The following COL1A1 variants were observed in gnomAD, a reference collection of about 807,000 sequenced individuals.
The protein encoded by COL1A1 is collagen type I alpha 1 chain.
In COL1A1, 21 loss-of-function variants were observed where a neutral mutation model predicts 195.7. That is an observed-to-expected ratio of 0.11 (90% CI 0.08 to 0.15). COL1A1 has a LOEUF of 0.15. Among genes scored for constraint, COL1A1 ranks in the 10% least tolerant of loss-of-function variants. The pLI is 1.00. For missense variants in COL1A1, 1,365 were observed against 2,051.0 expected, an observed-to-expected ratio of 0.67 and a Z score of 6.46; for synonymous variants, 749 against 747.3, an observed-to-expected ratio of 1.00 and a Z score of -0.04.
Position 50,190,359 on chromosome 17 carries a change from G to C in COL1A1, c.2419C>G (p.Pro807Ala), listed in dbSNP as rs770407108. The C allele has an allele frequency of 1.2e-6, 2 of 1,612,108 alleles. No individual in the cohort carries two copies. Among genetic ancestry groups the C allele is most frequent in the African/African-American group, 1.3e-5 (1 of 74,876 alleles). The part of the protein sequence containing the change: ...GAPGDRGEPG[P>A]PGPAGFAGPP... The stretch of plus-strand genomic sequence containing the variant: ...CCAGCAAAGCCAGCAGGGCCGGGGG[G>C]ACCAGGCTCACCACGGTCTCCCTAG... Residue 807 changes from proline to alanine, a missense_variant, in exon 35 of 51, where the codon CCC becomes GCC. This residue lies in a region of COL1A1 where 671 missense variants were observed against 1,099.9 expected (regional missense o/e 0.61). Transcript: ENST00000225964. This position sits in a 1 kb window ranked among gnomAD's most constrained non-coding sequence, Gnocchi z 4.7.
At chr17:50,200,266 A>C (rs542721613) in intron 1 of COL1A1, 2 of 403,358 alleles carry the variant, frequency 5.0e-6, no homozygotes, top group Non-Finnish European at 9.3e-6. Flanking sequence ...TGAGAGGGGG[A>C]GGGCGGGGGG....
Position 50,197,722 on chromosome 17 carries a change from G to A in COL1A1, c.696+10C>T. 1 of 1,578,482 alleles carries A rather than the reference G, an allele frequency of 6.3e-7. No individual in the cohort carries two copies. Among genetic ancestry groups the A allele is most frequent in the Non-Finnish European group, 8.6e-7 (1 of 1,166,538 alleles). ...GGGTCAGATGGTATCTTCTTGCTGG[G>A]GATACTTACATCATCTCCATTCTTT... is the stretch of plus-strand genomic sequence containing the variant. On this transcript the variant is annotated intron_variant, in intron 9 of 50. Transcript: ENST00000225964.
chr17:50,191,596 C>T, intron 31 of COL1A1, 106 bp from the exon 32 acceptor site: 4 of 1,226,370 alleles, frequency 3.3e-6, no homozygotes, highest in Non-Finnish European at 4.7e-6. Context: ...AGGCCAACGA[C>T]AAGCCTTGAG....
Position 50,190,748 on chromosome 17 carries a change from C to A in COL1A1, c.2343+69G>T, listed in dbSNP as rs372527005. ...GACCTGCTCTCCCAACGCAACCCCA[C>A]GGAACCGTGCCCAGGCCTGCTGAGG... On this transcript the variant is annotated intron_variant, in intron 33 of 50. Coordinates refer to ENST00000225964, the MANE Select transcript of COL1A1 (RefSeq NM_000088.4). This position sits in a 1 kb window ranked among gnomAD's most constrained non-coding sequence, Gnocchi z 4.7. 3 of 1,522,414 alleles carry A rather than the reference C, an allele frequency of 2.0e-6. No individual in the cohort carries two copies. The highest frequency in any genetic ancestry group is 1.7e-4 in the Middle Eastern group (1 of 5,906). 94.3% of individuals were successfully genotyped at this position (1,522,414 alleles called of 1,614,324 possible).
In COL1A1 at chr17:50,189,441, A is replaced by C. The variant is rs1382330149; in HGVS notation, c.2765T>G (p.Val922Gly). 6.2e-7 allele frequency: 1 copy of C among 1,611,216 alleles called. No homozygotes were observed. Among genetic ancestry groups the C allele is most frequent in the Non-Finnish European group, 8.5e-7 (1 of 1,178,968 alleles). The change falls in exon 39 of 51, where the codon GTT becomes GGT. Residue 922 changes from valine to glycine, a missense_variant. Val to Gly is a moderately radical substitution (Grantham distance 109, BLOSUM62 -3). Transcript: ENST00000225964. This position sits in a 1 kb window ranked among gnomAD's most constrained non-coding sequence, Gnocchi z 5.5. ...ETGPAGRPGEVGPPGPPGPAG... is the reference protein window; with the variant it reads ...ETGPAGRPGEGGPPGPPGPAG... ...AGGGCCAGGGGGACCAGGGGGACCAACTTCACCAGGACGTCCAGCAGGGCC... is the reference window on the plus strand; with the variant it reads ...AGGGCCAGGGGGACCAGGGGGACCACCTTCACCAGGACGTCCAGCAGGGCC...
Position 50,185,552 on chromosome 17 carries a change from C to T in COL1A1, c.4345G>A (p.Ala1449Thr). 1 of 1,612,900 alleles carries T rather than the reference C, an allele frequency of 6.2e-7. No homozygotes were observed. The highest frequency in any genetic ancestry group is 1.7e-5 in the Admixed American group (1 of 59,802). Residue 1449 changes from alanine (A) to threonine (T), a missense_variant, in exon 51 of 51, where the codon GCC becomes ACC. Physicochemically the swap from Ala to Thr is moderately conservative, Grantham distance 58 (BLOSUM62 0). Around this residue, in one of 5 missense-constraint regions of COL1A1, gnomAD observed 273 missense variants for 338.6 expected, o/e 0.81. Coordinates refer to ENST00000225964, the MANE Select transcript of COL1A1 (RefSeq NM_000088.4). ...IIDVAPLDVG[A>T]PDQEFGFDVG... ...TCGAAGCCGAATTCCTGGTCTGGGG[C>T]ACCAACGTCCAAGGGGGCCACATCG... is the stretch of plus-strand genomic sequence containing the variant.
In COL1A1 at chr17:50,195,889, A is replaced by T; in HGVS notation, c.1056+34T>A. ...GGAGACATGAACCCCTTGGCCCATG[A>T]GGGTCATGCTTAGAGGAGAGTGGGG... On this transcript the variant is annotated intron_variant, in intron 16 of 50. Transcript: ENST00000225964. The surrounding 1 kb of genome is among the most constrained non-coding windows in gnomAD (Gnocchi z 4.3). 6.4e-7 allele frequency: 1 copy of T among 1,560,958 alleles called. No homozygotes were observed. Among genetic ancestry groups the T allele is most frequent in the Admixed American group, 1.9e-5 (1 of 51,798 alleles).
chr17:50,190,683 G>T lies in COL1A1; in HGVS notation c.2344-87C>A. The T allele has an allele frequency of 6.6e-7, 1 of 1,524,124 alleles. No individual in the cohort carries two copies. Among genetic ancestry groups the T allele is most frequent in the South Asian group, 1.1e-5 (1 of 87,390 alleles). 94.4% of individuals were successfully genotyped at this position (1,524,124 alleles called of 1,614,324 possible). On this transcript the variant is annotated intron_variant, in intron 33 of 50. Transcript: ENST00000225964. The surrounding 1 kb of genome is among the most constrained non-coding windows in gnomAD (Gnocchi z 4.7). ...CCCCAGGAGAGCCTCCCCTCCTTCT[G>T]GTCCCTCCAGGTTCCCAGGTTGACA...
chr17:50,191,334 A>G, intron 32 of COL1A1, 49 bp downstream of exon 32: 1 of 1,480,914 alleles, frequency 6.8e-7, no homozygotes, highest in Non-Finnish European at 9.4e-7. Context: ...CAAAGCAGGC[A>G]GAGATGGGAG....
chr17:50,192,521 G>C lies in COL1A1; in HGVS notation c.1937C>G (p.Pro646Arg). ...TTCACCTGGAGGACCAGCAGGACCA[G>C]GGAGACCCTGTAGGTGGGAAATGGG... ...PAGSPGFQGLPGPAGPPGEAG... is the reference protein window; with the variant it reads ...PAGSPGFQGLRGPAGPPGEAG... Residue 646 changes from proline (P) to arginine (R), a missense_variant, in exon 29 of 51, where the codon CCT becomes CGT. By Grantham distance (103) the Pro-to-Arg change is moderately radical (BLOSUM62 -2). Transcript: ENST00000225964. 6.2e-7 allele frequency: 1 copy of C among 1,613,940 alleles called. No homozygotes were observed. The highest frequency in any genetic ancestry group is 8.5e-7 in the Non-Finnish European group (1 of 1,179,938).
At chr17:50,193,577 G>C in intron 25 of COL1A1, 2 of 338,444 alleles carry the variant, frequency 5.9e-6, no homozygotes, top group East Asian at 1.4e-4. Context: ...CACCTCCCGG[G>C]TTCATGCAAT....
rs752165205 is a variant in COL1A1, at chr17:50,189,836, A to G, written c.2613+23T>C. The G allele has an allele frequency of 6.2e-7, 1 of 1,612,552 alleles. No individual in the cohort carries two copies. Among genetic ancestry groups the G allele is most frequent in the Non-Finnish European group, 8.5e-7 (1 of 1,179,294 alleles). On this transcript the variant is annotated intron_variant, in intron 37 of 50. Transcript: ENST00000225964. The surrounding 1 kb of genome is among the most constrained non-coding windows in gnomAD (Gnocchi z 5.5). ...TGCCTGGGGAGAGGGGAGAGGCTCA[A>G]CAGAGAGGCGGGTGATACTCACAGG...
In COL1A1 at chr17:50,189,494, T is replaced by C. The variant is rs1906873938; in HGVS notation, c.2712A>G (p.Glu904=). The change falls in exon 39 of 51, where the codon GAA becomes GAG. Residue 904 remains glutamate (E), a synonymous_variant. Transcript: ENST00000225964. The surrounding 1 kb of genome is among the most constrained non-coding windows in gnomAD (Gnocchi z 5.5). ...PPGPPGPAGK[E]GGKGPRGETG... ...TCTCACCACGGGGACCTTTGCCGCCTTCTTTGCCAGCAGGACCAGGAGGGC... is the reference window on the plus strand; with the variant it reads ...TCTCACCACGGGGACCTTTGCCGCCCTCTTTGCCAGCAGGACCAGGAGGGC... 1 of 1,613,248 alleles carries C rather than the reference T, an allele frequency of 6.2e-7. No individual in the cohort carries two copies. The highest frequency in any genetic ancestry group is 8.5e-7 in the Non-Finnish European group (1 of 1,179,754).
Position 50,190,769 on chromosome 17 carries a change from TG to T in COL1A1, c.2343+47del. On this transcript the variant is annotated intron_variant, in intron 33 of 50. Coordinates refer to ENST00000225964, the MANE Select transcript of COL1A1 (RefSeq NM_000088.4). This position sits in a 1 kb window ranked among gnomAD's most constrained non-coding sequence, Gnocchi z 4.7. ...CCCACGGAACCGTGCCCAGGCCTGC[TG>T]AGGAGGCTATGTGTTAGGGCAGAAG... 14 of 1,556,700 alleles carry T rather than the reference TG, an allele frequency of 9.0e-6. No individual in the cohort carries two copies. The highest frequency in any genetic ancestry group is 1.2e-5 in the Non-Finnish European group (14 of 1,128,520).
intron 6 of COL1A1, 91 bp from the exon 7 acceptor site, chr17:50,198,296 C>A (rs1331531666): frequency 6.4e-7 from 1 of 1,563,856 alleles, no homozygotes; most frequent in South Asian, 1.1e-5. Flanking sequence ...ACCACCCAGT[C>A]GTCCTGCATC....
intron 1 of COL1A1, 99 bp downstream of exon 1, chr17:50,201,312 C>T (rs915042804): frequency 1.8e-6 from 2 of 1,101,128 alleles, no homozygotes; most frequent in African/African-American, 3.1e-5. Context: ...ATTCCCGAGT[C>T]TCCGGATCAT....
intron 1 of COL1A1, 108 bp from the exon 2 acceptor site, chr17:50,200,055 T>C: frequency 1.7e-6 from 2 of 1,174,362 alleles, no homozygotes; most frequent in Non-Finnish European, 2.5e-6. Context: ...TTCCCGCCCC[T>C]CCCCCCGTTC....
chr17:50,198,705 A>G, intron 5 of COL1A1: 1 of 613,598 alleles, frequency 1.6e-6, no homozygotes, highest in Non-Finnish European at 2.9e-6. Context: ...CAGTCTGCAA[A>G]ACAACTGGAC....
intron 5 of COL1A1, among the ~76,000 whole-genome samples, chr17:50,198,998 T>G (rs1046947485): frequency 6.6e-6 from 1 of 152,128 alleles, no homozygotes; most frequent in Non-Finnish European, 1.5e-5. Flanking sequence ...CAAAAGAGCC[T>G]GATGTTAGCA....
Sources: gnomAD v4.1 joint callset for allele counts (sites outside exome capture counted in the v4.1 genomes callset) on GRCh38, gnomAD v4.1.1 for gene constraint, gnomAD v4.1.1 regional missense constraint, Gnocchi (gnomAD v3.1) non-coding constraint, MANE v1.5 for transcripts, NCBI Gene and HGNC (gene_info 2026-07-23, HGNC 2026-07-21) for gene names.